GLB1: variants seen among roughly 807,000 people sequenced by gnomAD.
The protein encoded by GLB1 is galactosidase beta 1.
GLB1 carries 56 observed loss-of-function variants against 74.0 expected under a neutral mutation model. The observed-to-expected ratio is 0.76, with a 90% CI of 0.61 to 0.94. The LOEUF is 0.94. GLB1 is among the 40% of genes least tolerant of loss of function. The pLI is 0.00. For synonymous variants in GLB1, 323 were observed against 323.6 expected (o/e 1.00, Z 0.02); for missense variants, 787 against 845.5 (o/e 0.93, Z 0.86).
At chr3:33,091,547 A>G in intron 1 of GLB1, 1 of 985,502 alleles carries the variant, frequency 1.0e-6, no homozygotes, top group South Asian at 4.7e-5. Context: ...TTGAAAAATT[A>G]ACATTGAGTG....
chr3:33,085,822 T>C (rs1700484796), intron 1 of GLB1, among the ~76,000 whole-genome samples: 2 of 150,980 alleles, frequency 1.3e-5, no homozygotes, highest in African/African-American at 4.9e-5. Flanking sequence ...TTCACACCTG[T>C]AATCCCAGCA....
At chr3:32,972,189 G>A in the GLB1 span, among the ~76,000 whole-genome samples, 3 of 152,110 alleles carry the variant, frequency 2.0e-5, no homozygotes, top group African/African-American at 4.8e-5. Context: ...TAAGGTTGCA[G>A]GCAGTCCTTG....
At position 33,074,955 on chromosome 3, in the gene GLB1, G is replaced by GT. The variant is rs1398223476; in HGVS notation, c.76-2243dup. On this transcript the variant is annotated intron_variant, in intron 1 of 15. Transcript: ENST00000307363. ...ATAGGGGCAAATGGAGAGCTTCACT[G>GT]TAAGTGAATTACATCTCAATAAAGC... Among the ~76,000 whole-genome samples the GT allele has an allele frequency of 7.9e-5, 12 of 152,336 alleles. No individual in the cohort carries two copies. In the South Asian group the frequency reaches 2.3e-3, roughly 29 times the overall value.
At chr3:33,025,682 C>T (rs1206183117) in intron 10 of GLB1, among the ~76,000 whole-genome samples, 2 of 143,294 alleles carry the variant, frequency 1.4e-5, no homozygotes, top group East Asian at 2.0e-4. Context: ...GGTCGTGGGC[C>T]GTGGCGGTGG....
At chr3:33,030,824 G>T in intron 10 of GLB1, 1 of 985,302 alleles carries the variant, frequency 1.0e-6, no homozygotes, top group African/African-American at 1.7e-5. Flanking sequence ...ATAAAGAACA[G>T]AAACAAAACT....
chr3:32,996,633 G>C lies in GLB1; in HGVS notation c.*412C>G, dbSNP rs1413404708. Reference sequence around the variant, plus strand: ...TATTTTCCATCCTTTTGAACTTCAAGTTAGTGAAGTGGTTTATTCAGCCCA... The same window carrying C: ...TATTTTCCATCCTTTTGAACTTCAACTTAGTGAAGTGGTTTATTCAGCCCA... On this transcript the variant is annotated 3_prime_UTR_variant, in exon 16 of 16. Transcript: ENST00000307363. The C allele has an allele frequency of 1.2e-5, 3 of 249,886 alleles. No homozygotes were observed. Among genetic ancestry groups the C allele is most frequent in the Non-Finnish European group, 2.4e-5 (3 of 127,180 alleles). 15.5% of individuals were successfully genotyped at this position (249,886 alleles called of 1,614,324 possible). A position where few individuals can be genotyped will look rare whatever the true frequency, so the allele number is the denominator to read the frequency against.
intron 6 of GLB1, among the ~76,000 whole-genome samples, chr3:33,057,454 C>T (rs1699265853): frequency 6.6e-6 from 1 of 152,176 alleles, no homozygotes; most frequent in Non-Finnish European, 1.5e-5. Flanking sequence ...TACTTATGGC[C>T]AGAAGCATCC....
At chr3:33,018,629 A>T in intron 12 of GLB1, 68 bp from the exon 13 acceptor site, 1 of 1,514,106 alleles carries the variant, frequency 6.6e-7, no homozygotes, top group Non-Finnish European at 9.1e-7. Flanking sequence ...TGGTTACCCT[A>T]GACATGTATG....
chr3:32,977,037 AT>A, the GLB1 span, among the ~76,000 whole-genome samples: 2 of 152,140 alleles, frequency 1.3e-5, no homozygotes, highest in Non-Finnish European at 2.9e-5. Flanking sequence ...TCTGTTTCAC[AT>A]TTGAGTCAAG....
downstream of GLB1, among the ~76,000 whole-genome samples, chr3:32,996,302 T>C (rs1289234840): frequency 2.0e-5 from 3 of 152,206 alleles, no homozygotes; most frequent in Non-Finnish European, 4.4e-5. Context: ...ACTACTGACA[T>C]GTGTATAGGC....
At chr3:33,069,984 T>G (rs994256974) in intron 2 of GLB1, among the ~76,000 whole-genome samples, 1 of 129,220 alleles carries the variant, frequency 7.7e-6, no homozygotes, top group Non-Finnish European at 1.7e-5. Flanking sequence ...GTAGGCCCCA[T>G]TGTCTGTTGT....
chr3:33,053,651 T>A, intron 6 of GLB1, 102 bp from the exon 7 acceptor site: 1 of 1,490,892 alleles, frequency 6.7e-7, no homozygotes, highest in Non-Finnish European at 9.2e-7. Flanking sequence ...CCTGCTACGG[T>A]CAGAATGTTA....
At chr3:33,074,392 GAAA>G in intron 1 of GLB1, among the ~76,000 whole-genome samples, 9 of 119,204 alleles carry the variant, frequency 7.6e-5, no homozygotes, top group Non-Finnish European at 4.1e-5. Flanking sequence ...AAGGAAGGAA[GAAA>G]GAAAGAAAGA....
chr3:33,079,660 T>C (rs1700253747), intron 1 of GLB1, among the ~76,000 whole-genome samples: 1 of 152,228 alleles, frequency 6.6e-6, no homozygotes, highest in African/African-American at 2.4e-5. Context: ...CAAATACACA[T>C]ACATGATCAA....
At chr3:33,006,744 T>G (rs1371094599) in intron 15 of GLB1, among the ~76,000 whole-genome samples, 1 of 152,246 alleles carries the variant, frequency 6.6e-6, no homozygotes, top group Non-Finnish European at 1.5e-5. Context: ...TTTAATCTTA[T>G]GAATCGCCCT....
At chr3:33,066,067 C>T (rs528876797) in intron 4 of GLB1, among the ~76,000 whole-genome samples, 2 of 151,992 alleles carry the variant, frequency 1.3e-5, no homozygotes, top group South Asian at 2.1e-4. Flanking sequence ...ATACAGGACT[C>T]GACAAGTACC....
the GLB1 span, among the ~76,000 whole-genome samples, chr3:32,986,764 T>C: frequency 1.3e-5 from 2 of 152,036 alleles, no homozygotes; most frequent in African/African-American, 2.4e-5. Flanking sequence ...CTAATTTTCG[T>C]GTTTTTAGTA....
At chr3:33,029,800 G>A (rs1316975514) in intron 10 of GLB1, among the ~76,000 whole-genome samples, 2 of 152,108 alleles carry the variant, frequency 1.3e-5, no homozygotes, top group Admixed American at 1.3e-4. Context: ...GCCTACTTGA[G>A]GGTGGTAGGT....
chr3:33,089,962 A>G (rs1278620987), intron 1 of GLB1, among the ~76,000 whole-genome samples: 2 of 152,220 alleles, frequency 1.3e-5, no homozygotes, highest in African/African-American at 4.8e-5. Flanking sequence ...AATATAGTTG[A>G]GATAATCAGG....
Sources: gnomAD v4.1 joint callset for allele counts (sites outside exome capture counted in the v4.1 genomes callset) on GRCh38, gnomAD v4.1.1 for gene constraint, MANE v1.5 for transcripts, NCBI Gene and HGNC (gene_info 2026-07-23, HGNC 2026-07-21) for gene names.